The following MYOF variants were observed in gnomAD, a reference collection of about 807,000 sequenced individuals.
MYOF encodes the protein fer-1-like 3, myoferlin.
A neutral mutation model predicts 284.2 loss-of-function variants in MYOF; 244 were observed. That is an observed-to-expected ratio of 0.86 (90% CI 0.77 to 0.95). The LOEUF (loss-of-function observed/expected upper bound fraction) is 0.95, where lower values mean the gene tolerates loss of function less well. Ranked by LOEUF, MYOF falls within the 40% of genes least tolerant of loss-of-function variation. The probability of loss-of-function intolerance (pLI) is 0.00; values close to 1 mark genes in which losing one functional copy is unlikely to be tolerated. For missense variants in MYOF, 2,496 were observed against 2,560.6 expected (o/e 0.97, Z 0.54); for synonymous variants, 904 against 919.7 (o/e 0.98, Z 0.31).
intron 1 of MYOF, among the ~76,000 whole-genome samples, chr10:93,461,990 A>G (rs2056893581): frequency 6.6e-6 from 1 of 152,170 alleles, no homozygotes; most frequent in Admixed American, 6.5e-5. Context: ...GAGCTATTCA[A>G]CCAGAACTTC....
At chr10:93,454,965 C>G (rs996447358) in intron 2 of MYOF, among the ~76,000 whole-genome samples, 6 of 123,198 alleles carry the variant, frequency 4.9e-5, no homozygotes, top group African/African-American at 1.6e-4. Flanking sequence ...GGTGACAGAG[C>G]GAGACCCTGT....
intron 43 of MYOF, among the ~76,000 whole-genome samples, chr10:93,332,784 T>C (rs1035385876): frequency 6.6e-6 from 1 of 151,892 alleles, no homozygotes; most frequent in Non-Finnish European, 1.5e-5. Flanking sequence ...GAGGCGGAGC[T>C]TGCAGTGAGC....
intron 27 of MYOF, 23 bp downstream of exon 27, chr10:93,363,938 T>A (rs1845198800): frequency 6.2e-7 from 1 of 1,608,050 alleles, no homozygotes; most frequent in Non-Finnish European, 8.5e-7. Flanking sequence ...GGTGAGAGTT[T>A]CTCTCCGGAG....
At chr10:93,424,155 C>T (rs923813168) in intron 5 of MYOF, among the ~76,000 whole-genome samples, 1 of 152,110 alleles carries the variant, frequency 6.6e-6, no homozygotes, top group Admixed American at 6.5e-5. Context: ...ACCCAGTTTG[C>T]GGTAGTTTAG....
intron 1 of MYOF, among the ~76,000 whole-genome samples, chr10:93,476,619 C>T (rs1232955528): frequency 6.6e-6 from 1 of 152,032 alleles, no homozygotes; most frequent in African/African-American, 2.4e-5. Flanking sequence ...TAAAAATACA[C>T]ATGTGTCTAT....
chr10:93,310,112 T>C lies in MYOF; in HGVS notation c.6055A>G (p.Ile2019Val). 1 of 1,614,144 alleles carries C rather than the reference T, an allele frequency of 6.2e-7. No homozygotes were observed. The highest frequency in any genetic ancestry group is 1.1e-5 in the South Asian group (1 of 91,076). The change falls in exon 53 of 54, where the codon ATC becomes GTC. Residue 2019 changes from isoleucine (I) to valine (V), a missense_variant. Transcript: ENST00000359263. ...FTNPCKTMKF[I>V]VWRRFKWVII... ...ACCCACTTAAAGCGGCGCCACACGA[T>C]GAACTTCATGGTCTTGCATGGGTTG...
At chr10:93,455,021 C>T (rs1279383866) in intron 2 of MYOF, among the ~76,000 whole-genome samples, 1 of 141,270 alleles carries the variant, frequency 7.1e-6, no homozygotes, top group African/African-American at 2.6e-5. Context: ...AAAGGCCAGC[C>T]GTGGTGACTT....
intron 4 of MYOF, among the ~76,000 whole-genome samples, chr10:93,426,863 T>G (rs1848610142): frequency 6.8e-6 from 1 of 146,368 alleles, no homozygotes; most frequent in African/African-American, 2.5e-5. Context: ...CACTCCCGCC[T>G]AGGCAAAAGA....
chr10:93,409,451 A>C, intron 6 of MYOF, 122 bp downstream of exon 6: 1 of 1,200,580 alleles, frequency 8.3e-7, no homozygotes, highest in Non-Finnish European at 1.2e-6. Flanking sequence ...ATACACTGAC[A>C]TCTCTCTTTA....
intron 45 of MYOF, among the ~76,000 whole-genome samples, chr10:93,327,408 T>C (rs748531046): frequency 3.3e-5 from 5 of 152,136 alleles, no homozygotes; most frequent in Admixed American, 6.5e-5. Context: ...GGGAGCATTC[T>C]GTATATACTC....
chr10:93,417,584 C>T (rs1848187797), intron 5 of MYOF, among the ~76,000 whole-genome samples: 1 of 151,980 alleles, frequency 6.6e-6, no homozygotes, highest in Admixed American at 6.6e-5. Context: ...ATACTGTTCT[C>T]TAGCACCACT....
rs957847429 is a variant in MYOF, at chr10:93,316,909, A to T, written c.5599-96T>A. The T allele has an allele frequency of 5.4e-6, 5 of 920,694 alleles. No individual in the cohort carries two copies. The Admixed American group carries it at 6.2e-5, about 11-fold the overall frequency. The allele number at this position is 920,694 out of a possible 1,614,324, so 57.0% of individuals were successfully genotyped here. A position where few individuals can be genotyped will look rare whatever the true frequency, so the allele number is the denominator to read the frequency against. ...AGCCTGGGGCCTTTCTCTCCTTTGC[A>T]CCCCCACCCTGACACTCCCTTGGGC... On this transcript the variant is annotated intron_variant, in intron 49 of 53. Coordinates refer to ENST00000359263, the MANE Select transcript of MYOF (RefSeq NM_013451.4).
At position 93,335,960 on chromosome 10, in the gene MYOF, C is replaced by A; in HGVS notation, c.4524G>T (p.Ser1508=). 1 of 1,614,194 alleles carries A rather than the reference C, an allele frequency of 6.2e-7. No individual in the cohort carries two copies. Among genetic ancestry groups the A allele is most frequent in the East Asian group, 2.2e-5 (1 of 44,874 alleles). Residue 1508 remains serine, a synonymous_variant, in exon 41 of 54, where the codon TCG becomes TCT. Transcript: ENST00000359263. Reference sequence around the variant, plus strand: ...CCACAGAAGGATCTTCATTTTCATCCGACTTGCCTCGGTACAACTTGAACG... The same window carrying A: ...CCACAGAAGGATCTTCATTTTCATCAGACTTGCCTCGGTACAACTTGAACG... The part of the protein sequence containing the change: ...SDTFKLYRGK[S]DENEDPSVVG...
chr10:93,440,871 G>A (rs1412871724), intron 3 of MYOF, among the ~76,000 whole-genome samples: 1 of 152,146 alleles, frequency 6.6e-6, no homozygotes, highest in Non-Finnish European at 1.5e-5. Flanking sequence ...TTAATCACAA[G>A]ATCTTAACAG....
At chr10:93,442,853 C>T (rs1161148556) in intron 3 of MYOF, among the ~76,000 whole-genome samples, 1 of 152,098 alleles carries the variant, frequency 6.6e-6, no homozygotes, top group Non-Finnish European at 1.5e-5. Flanking sequence ...CTTCTTGAAT[C>T]TATAGAATAG....
intron 7 of MYOF, among the ~76,000 whole-genome samples, chr10:93,407,461 T>C (rs1589520798): frequency 7.9e-6 from 1 of 125,950 alleles, no homozygotes; most frequent in Non-Finnish European, 1.6e-5. Flanking sequence ...CCGGGTGTGG[T>C]GGCTCACGCC....
chr10:93,353,745 C>A, intron 32 of MYOF, 66 bp downstream of exon 32: 2 of 1,347,264 alleles, frequency 1.5e-6, no homozygotes, highest in Non-Finnish European at 2.1e-6. Context: ...AGCATTCACT[C>A]GAAACACAGA....
chr10:93,310,650 T>TA lies in MYOF; in HGVS notation c.5890-8dup. 6.2e-7 allele frequency: 1 copy of TA among 1,613,680 alleles called. No individual in the cohort carries two copies. Among genetic ancestry groups the TA allele is most frequent in the Non-Finnish European group, 8.5e-7 (1 of 1,179,546 alleles). On this transcript the variant is annotated splice_region_variant and splice_polypyrimidine_tract_variant and intron_variant, in intron 51 of 53. Coordinates refer to ENST00000359263, the MANE Select transcript of MYOF (RefSeq NM_013451.4). ...ATGTCATCTCCACTTTCCCCTTCAGTAAAGCAGAGCAGGTTAAACATATGA... is the reference window on the plus strand; with the variant it reads ...ATGTCATCTCCACTTTCCCCTTCAGTAAAAGCAGAGCAGGTTAAACATATGA...
chr10:93,393,252 C>T (rs1254648948), intron 16 of MYOF, among the ~76,000 whole-genome samples: 1 of 152,178 alleles, frequency 6.6e-6, no homozygotes, highest in Non-Finnish European at 1.5e-5. Context: ...GGCGAAGTTA[C>T]CAGCATTTCA....
Sources: gnomAD v4.1 joint callset for allele counts (sites outside exome capture counted in the v4.1 genomes callset) on GRCh38, gnomAD v4.1.1 for gene constraint, MANE v1.5 for transcripts, NCBI Gene and HGNC (gene_info 2026-07-23, HGNC 2026-07-21) for gene names.